The following SAXO4 variants were observed in gnomAD, a reference collection of about 807,000 sequenced individuals.
SAXO4 encodes protein phosphatase 1 regulatory subunit 32.
the SAXO4 span, among the ~76,000 whole-genome samples, chr11:61,487,536 T>G: frequency 6.6e-6 from 1 of 152,196 alleles, no homozygotes; most frequent in Non-Finnish European, 1.5e-5. Flanking sequence ...AACTCAGAAC[T>G]ACCCCAGTCA....
the SAXO4 span, chr11:61,481,185 C>G: frequency 6.6e-6 from 1 of 152,216 alleles, no homozygotes; most frequent in South Asian, 2.1e-4. Context: ...CCTGCAGCCT[C>G]TCCCCGACCT....
chr11:61,482,722 G>T, the SAXO4 span: 4 of 1,614,016 alleles, frequency 2.5e-6, no homozygotes, highest in South Asian at 2.2e-5. Flanking sequence ...GGTGCCTGAC[G>T]GCAAGCATCC....
chr11:61,485,630 T>C, the SAXO4 span, among the ~76,000 whole-genome samples: 1 of 152,108 alleles, frequency 6.6e-6, no homozygotes, highest in African/African-American at 2.4e-5. Context: ...CCCTCTCCTG[T>C]CCTCCGGCCT....
the SAXO4 span, chr11:61,486,990 C>T: frequency 3.1e-6 from 5 of 1,614,120 alleles, no homozygotes. Context: ...GAGTCACCAG[C>T]AGTTTCAGCC....
the SAXO4 span, chr11:61,482,408 C>T: frequency 6.2e-7 from 1 of 1,614,136 alleles, no homozygotes; most frequent in Non-Finnish European, 8.5e-7. Context: ...GTCTGGAGGC[C>T]TTAGACAACC....
At chr11:61,481,733 T>G in the SAXO4 span, 1 of 793,348 alleles carries the variant, frequency 1.3e-6, no homozygotes, top group Non-Finnish European at 1.9e-6. Context: ...CCCTGTGGGC[T>G]TCCGAGCCAG....
At chr11:61,486,483 C>A in the SAXO4 span, 4 of 1,612,246 alleles carry the variant, frequency 2.5e-6, no homozygotes, top group Non-Finnish European at 3.4e-6. Context: ...GTGGGGGAGG[C>A]AGCCACATCC....
At chr11:61,489,077 G>A in the SAXO4 span, 1 of 152,732 alleles carries the variant, frequency 6.5e-6, no homozygotes, top group Non-Finnish European at 1.5e-5. Context: ...GAGGCTCAGA[G>A]GGGAGGAGCA....
At chr11:61,484,651 C>G in the SAXO4 span, 27 of 1,609,350 alleles carry the variant, frequency 1.7e-5, no homozygotes, top group South Asian at 2.3e-4. Context: ...GAGTGACTGC[C>G]GCCCCCTCAC....
the SAXO4 span, chr11:61,485,926 C>T: frequency 1.3e-6 from 2 of 1,580,470 alleles, no homozygotes; most frequent in Non-Finnish European, 1.7e-6. Context: ...GTCGGCTGGG[C>T]TCCTGCTAGA....
At chr11:61,482,386 C>A in the SAXO4 span, 1 of 1,614,188 alleles carries the variant, frequency 6.2e-7, no homozygotes, top group South Asian at 1.1e-5. Context: ...CCCGTGGTCT[C>A]ATGCCAAGCC....
chr11:61,482,790 G>A, the SAXO4 span: 3,908 of 1,610,006 alleles, frequency 2.4e-3, 98 homozygotes, highest in African/African-American at 0.044. Context: ...AGCCCAGTGC[G>A]GGTCCCCCCA....
chr11:61,482,725 A>C, the SAXO4 span: 1 of 1,613,976 alleles, frequency 6.2e-7, no homozygotes, highest in Non-Finnish European at 8.5e-7. Context: ...GCCTGACGGC[A>C]AGCATCCCCT....
chr11:61,487,618 C>A, the SAXO4 span, among the ~76,000 whole-genome samples: 1 of 152,244 alleles, frequency 6.6e-6, no homozygotes, highest in Non-Finnish European at 1.5e-5. Flanking sequence ...CCCAGGGCAA[C>A]ATTAAAGCCC....
At chr11:61,482,578 G>T in the SAXO4 span, 1 of 1,604,714 alleles carries the variant, frequency 6.2e-7, no homozygotes. Context: ...TCTGTGGGAG[G>T]GTGCAGGGAG....
At chr11:61,490,470 C>T in the SAXO4 span, 1 of 1,597,736 alleles carries the variant, frequency 6.3e-7, no homozygotes, top group Non-Finnish European at 8.6e-7. Flanking sequence ...CCTGCCAACA[C>T]CCCCAACACT....
At chr11:61,484,220 G>A in the SAXO4 span, among the ~76,000 whole-genome samples, 1 of 152,186 alleles carries the variant, frequency 6.6e-6, no homozygotes, top group Non-Finnish European at 1.5e-5. Flanking sequence ...TCCAGCCTGG[G>A]CAACAGAGCG....
the SAXO4 span, chr11:61,484,633 G>A: frequency 3.1e-6 from 5 of 1,600,384 alleles, no homozygotes; most frequent in African/African-American, 2.7e-5. Context: ...GGCAGAAGCA[G>A]AGTCAGGGAG....
chr11:61,489,361 T>C, the SAXO4 span: 1 of 394,516 alleles, frequency 2.5e-6, no homozygotes. Flanking sequence ...TTGATCTGTC[T>C]GCACCCCCTC....
Sources: allele counts gnomAD v4.1 joint callset (sites outside exome capture counted in the v4.1 genomes callset), GRCh38; gene constraint gnomAD v4.1.1; transcripts MANE v1.5; gene names NCBI Gene and HGNC (gene_info 2026-07-23, HGNC 2026-07-21).